The following HSPG2 variants were observed in gnomAD, a reference collection of about 807,000 sequenced individuals.
HSPG2 encodes the protein heparan sulfate proteoglycan 2, also known as basement membrane-specific heparan sulfate proteoglycan core protein.
A neutral mutation model predicts 526.6 loss-of-function variants in HSPG2; 278 were observed. The observed-to-expected ratio is 0.53, with a 90% confidence interval of 0.48 to 0.58. The LOEUF (loss-of-function observed/expected upper bound fraction) is 0.58. HSPG2 is among the 20% of genes least tolerant of loss of function. The pLI is 0.00. For synonymous variants in HSPG2, 2,465 were observed against 2,555.4 expected, an observed-to-expected ratio of 0.96 and a Z score of 1.07; for missense variants, 5,354 against 6,099.5, an observed-to-expected ratio of 0.88 and a Z score of 4.07.
chr1:21,927,127 G>T (rs1644218374), intron 1 of HSPG2, among the ~76,000 whole-genome samples: 1 of 152,168 alleles, frequency 6.6e-6, no homozygotes, highest in African/African-American at 2.4e-5. Flanking sequence ...AAGCATCTGT[G>T]GAGTGACCCG....
intron 1 of HSPG2, chr1:21,908,073 C>G (rs1050869868): frequency 4.0e-6 from 3 of 757,380 alleles, no homozygotes; most frequent in Non-Finnish European, 7.2e-6. Context: ...CGGCCGGAAC[C>G]GCCATCTTCC....
intron 1 of HSPG2, among the ~76,000 whole-genome samples, chr1:21,908,982 C>A (rs1643524797): frequency 6.6e-6 from 1 of 152,202 alleles, no homozygotes; most frequent in Admixed American, 6.5e-5. Flanking sequence ...GTGGCACATG[C>A]CTGTAATCCC....
intron 39 of HSPG2, 82 bp downstream of exon 39, chr1:21,861,675 C>A: frequency 7.7e-7 from 1 of 1,296,406 alleles, no homozygotes; most frequent in South Asian, 1.2e-5. Flanking sequence ...AGAGACTTTT[C>A]TGAGCAACAC....
rs1638927912 is a variant in HSPG2 at position 21,851,875 on chromosome 1, G to A, written c.6922C>T (p.Gln2308Ter). The change falls in exon 54 of 97, where the codon CAG becomes TAG. Residue 2308 changes from glutamine to a stop codon, truncating the protein, a stop_gained. Transcript: ENST00000374695. LOFTEE classifies it high-confidence loss of function. ...IFQASPADAG[Q>*]YVCRASNGME... ...CCGTTGCTGGCCCGGCAGACGTACT[G>A]TCCCGCATCGGCAGGTGAGGCCTGG... is the stretch of plus-strand genomic sequence containing the variant. The A allele has an allele frequency of 1.2e-6, 2 of 1,612,672 alleles. No individual in the cohort carries two copies. The highest frequency in any genetic ancestry group is 1.7e-5 in the Admixed American group (1 of 59,898).
intron 1 of HSPG2, among the ~76,000 whole-genome samples, chr1:21,936,084 G>A (rs990428661): frequency 6.6e-6 from 1 of 152,128 alleles, no homozygotes; most frequent in African/African-American, 2.4e-5. Flanking sequence ...GAACAGGGAG[G>A]CAGGTATGGG....
Position 21,847,895 on chromosome 1 carries a change from C to T in HSPG2, c.7874-55G>A, listed in dbSNP as rs1219130374. 2 of 1,613,752 alleles carry T rather than the reference C, an allele frequency of 1.2e-6. No homozygotes were observed. The highest frequency in any genetic ancestry group is 1.7e-5 in the Admixed American group (1 of 60,020). ...CCAGAGTGAGATAACAGTGATGGCA[C>T]CGGGGACCTCTCTGCCACCCTCTGC... On this transcript the variant is annotated intron_variant, in intron 60 of 96. Coordinates refer to ENST00000374695, the MANE Select transcript of HSPG2 (RefSeq NM_005529.7). The surrounding 1 kb of genome is among the most constrained non-coding windows in gnomAD (Gnocchi z 4.1).
rs557975423 is a variant in HSPG2, at chr1:21,864,972, G to C, written c.4497C>G (p.Ser1499=). 2 of 1,593,924 alleles carry C rather than the reference G, an allele frequency of 1.3e-6. No homozygotes were observed. Among genetic ancestry groups the C allele is most frequent in the Non-Finnish European group, 1.7e-6 (2 of 1,172,246 alleles). Residue 1499 remains serine (S), a synonymous_variant, in exon 36 of 97, where the codon TCC becomes TCG. Coordinates refer to ENST00000374695, the MANE Select transcript of HSPG2 (RefSeq NM_005529.7). This position sits in a 1 kb window ranked among gnomAD's most constrained non-coding sequence, Gnocchi z 4.8. ...DELLIRATFS[S]VPLAASISAV... Reference sequence around the variant, plus strand: ...CGCTGATGCTGGCCGCCAGCGGCACGGAGGAGAACGTGGCCCGGATCAGGA... The same window carrying C: ...CGCTGATGCTGGCCGCCAGCGGCACCGAGGAGAACGTGGCCCGGATCAGGA...
chr1:21,925,827 C>T (rs1320141150), intron 1 of HSPG2, among the ~76,000 whole-genome samples: 3 of 151,986 alleles, frequency 2.0e-5, no homozygotes, highest in African/African-American at 2.4e-5. Flanking sequence ...AGGTGTGGCA[C>T]GTACTGGATG....
At chr1:21,863,506 A>G (rs971225624) in intron 37 of HSPG2, among the ~76,000 whole-genome samples, 2 of 152,144 alleles carry the variant, frequency 1.3e-5, no homozygotes, top group Admixed American at 6.6e-5. Flanking sequence ...AGTTTAGGTT[A>G]TGGCTGTCAA....
rs747218672 is a variant in HSPG2, at chr1:21,859,863, C to T, written c.5154G>A (p.Val1718=). 1 of 1,611,480 alleles carries T rather than the reference C, an allele frequency of 6.2e-7. No homozygotes were observed. Among genetic ancestry groups the T allele is most frequent in the Non-Finnish European group, 8.5e-7 (1 of 1,179,690 alleles). ...FYWSREDGRP[V]PSGTQQRHQG... ...GATGTCGCTGCTGGGTGCCGCTGGGCACAGGCCGCCCATCCTCACGGGACC... is the reference window on the plus strand; with the variant it reads ...GATGTCGCTGCTGGGTGCCGCTGGGTACAGGCCGCCCATCCTCACGGGACC... Residue 1718 remains valine (V), a synonymous_variant, in exon 41 of 97, where the codon GTG becomes GTA. Coordinates refer to ENST00000374695, the MANE Select transcript of HSPG2 (RefSeq NM_005529.7). This position sits in a 1 kb window ranked among gnomAD's most constrained non-coding sequence, Gnocchi z 5.3.
At position 21,927,346 on chromosome 1, in the gene HSPG2, GTCTC is replaced by G. The variant is rs1644227014; in HGVS notation, c.63+9805_63+9808del. The stretch of plus-strand genomic sequence containing the variant: ...TGGGGTGAGATCCCCAGGCCTGTGT[GTCTC>G]TCTCTCCTGAGTCCTGCTGTTTCTC... On this transcript the variant is annotated intron_variant, in intron 1 of 96. Transcript: ENST00000374695. 2.0e-5 allele frequency among the ~76,000 whole-genome samples: 3 copies of G among 152,258 alleles called. No individual in the cohort carries two copies. The South Asian group carries it at 6.2e-4, about 32-fold the overall frequency.
chr1:21,850,107 A>T lies in HSPG2; in HGVS notation c.7380T>A (p.Val2460=), dbSNP rs771205570. The T allele has an allele frequency of 2.5e-6, 4 of 1,613,402 alleles. No individual in the cohort carries two copies. The highest frequency in any genetic ancestry group is 2.5e-6 in the Non-Finnish European group (3 of 1,179,994). ...EGQTLDLNCL[V]AGQAHAQVTW... is the part of the protein sequence containing the mutation. ...TGACCTGGGCATGGGCCTGACCAGC[A>T]ACGAGGCAGTTCAGGTCCAGGGTCT... Residue 2460 remains valine, a synonymous_variant, in exon 57 of 97, where the codon GTT becomes GTA. Transcript: ENST00000374695.
At position 21,887,566 on chromosome 1, in the gene HSPG2, G is replaced by A. The variant is rs533049305; in HGVS notation, c.812C>T (p.Ala271Val). 3.1e-6 allele frequency: 5 copies of A among 1,614,116 alleles called. No homozygotes were observed. Among genetic ancestry groups the A allele is most frequent in the Middle Eastern group, 1.7e-4 (1 of 6,032 alleles). Residue 271 changes from alanine to valine, a missense_variant, in exon 8 of 97, where the codon GCT becomes GTT. Ala to Val is a moderately conservative substitution (Grantham distance 64). Transcript: ENST00000374695. This position sits in a 1 kb window ranked among gnomAD's most constrained non-coding sequence, Gnocchi z 5.0. ...TIMRQPPVTH[A>V]PQPLLPGSVR... is the part of the protein sequence containing the mutation. ...GGAACCGGGAAGCAGGGGCTGAGGA[G>A]CGTGGGTGACTGGTGGCTGTCGCAT...
At chr1:21,918,262 C>T (rs76922915) in intron 1 of HSPG2, among the ~76,000 whole-genome samples, 1,721 of 152,046 alleles carry the variant, frequency 0.011, 20 homozygotes, top group South Asian at 0.026. Context: ...GTCAGGAGTT[C>T]GAGACCAGCC....
chr1:21,833,235 C>T (rs1557680825), intron 80 of HSPG2, 33 bp downstream of exon 80: 2 of 1,579,416 alleles, frequency 1.3e-6, no homozygotes, highest in East Asian at 2.2e-5. Flanking sequence ...CAACCCAGGC[C>T]AGCCCACCCC....
chr1:21,831,157 A>G, intron 84 of HSPG2, 58 bp downstream of exon 84: 1 of 1,600,464 alleles, frequency 6.2e-7, no homozygotes, highest in Non-Finnish European at 8.6e-7. Context: ...CACAGGGGCC[A>G]GCCATGGCTA....
Position 21,873,022 on chromosome 1 carries a change from T to C in HSPG2, c.3863A>G (p.Asp1288Gly). 5 of 1,609,306 alleles carry C rather than the reference T, an allele frequency of 3.1e-6. No homozygotes were observed. Among genetic ancestry groups the C allele is most frequent in the Non-Finnish European group, 4.2e-6 (5 of 1,179,900 alleles). Residue 1288 changes from aspartate (D) to glycine (G), a missense_variant, in exon 31 of 97, where the codon GAT (aspartate) becomes GGT (glycine). Coordinates refer to ENST00000374695, the MANE Select transcript of HSPG2 (RefSeq NM_005529.7). ...CTTGCACTGGCACTGACCAGCAGCATCACACTGGCTGCTGACGCTGCCTTG... is the reference window on the plus strand; with the variant it reads ...CTTGCACTGGCACTGACCAGCAGCACCACACTGGCTGCTGACGCTGCCTTG... ...DPQGSVSSQCDAAGQCQCKAQ... is the reference protein window; with the variant it reads ...DPQGSVSSQCGAAGQCQCKAQ...
In HSPG2 at chr1:21,865,040, T is replaced by C; in HGVS notation, c.4429A>G (p.Thr1477Ala). The C allele has an allele frequency of 6.4e-7, 1 of 1,570,564 alleles. No homozygotes were observed. The highest frequency in any genetic ancestry group is 1.2e-5 in the South Asian group (1 of 86,452). ...AGTGCCATCAGGAGGTGCTCGCGTG[T>C]GGCCGGCTGCCCATCGGGCCGGCGC... is the stretch of plus-strand genomic sequence containing the variant. ...FWRRPDGQPA[T>A]REHLLMALAD... The change falls in exon 36 of 97, where the codon ACA (threonine) becomes GCA (alanine). Residue 1477 changes from threonine to alanine, a missense_variant. Coordinates refer to ENST00000374695, the MANE Select transcript of HSPG2 (RefSeq NM_005529.7). This position sits in a 1 kb window ranked among gnomAD's most constrained non-coding sequence, Gnocchi z 5.4.
At chr1:21,883,059 G>T (rs1161488503) in intron 13 of HSPG2, among the ~76,000 whole-genome samples, 1 of 151,876 alleles carries the variant, frequency 6.6e-6, no homozygotes, top group Non-Finnish European at 1.5e-5. Context: ...CCCTCCCCTG[G>T]ACCACCCAGA....
Sources: gnomAD v4.1 joint callset for allele counts (sites outside exome capture counted in the v4.1 genomes callset) on GRCh38, gnomAD v4.1.1 for gene constraint, Gnocchi (gnomAD v3.1) non-coding constraint, MANE v1.5 for transcripts, NCBI Gene and HGNC (gene_info 2026-07-23, HGNC 2026-07-21) for gene names.